The following GLIPR2 variants were observed in gnomAD, a reference collection of about 807,000 sequenced individuals.
The protein encoded by GLIPR2 is GLI pathogenesis related 2.
In GLIPR2, 21 loss-of-function variants were observed where a neutral mutation model predicts 20.4. The observed-to-expected ratio is 1.03, with a 90% CI of 0.73 to 1.48. GLIPR2 has a LOEUF of 1.48. GLIPR2 is among the 40% of genes most tolerant of loss of function. The pLI is 0.00. For synonymous variants in GLIPR2, 91 were observed against 80.5 expected (o/e 1.13, Z -0.70); for missense variants, 205 against 200.1 (o/e 1.02, Z -0.15).
chr9:36,149,241 C>T (rs1169684331), intron 3 of GLIPR2, among the ~76,000 whole-genome samples: 1 of 152,236 alleles, frequency 6.6e-6, no homozygotes, highest in Non-Finnish European at 1.5e-5. Context: ...GCCCTGACAG[C>T]CCTGATGTGG....
intron 4 of GLIPR2, 184 bp from the exon 5 acceptor site, chr9:36,162,178 G>A: frequency 6.9e-7 from 1 of 1,448,080 alleles, no homozygotes; most frequent in African/African-American, 1.4e-5. Context: ...CCATCTTGGG[G>A]GAAAAAAAAA....
chr9:36,138,506 C>A, intron 1 of GLIPR2, among the ~76,000 whole-genome samples: 1 of 152,058 alleles, frequency 6.6e-6, no homozygotes, highest in East Asian at 1.9e-4. Flanking sequence ...TACAGGTGCG[C>A]CCAGCCTAGG....
Position 36,151,024 on chromosome 9 carries a change from C to A in GLIPR2, c.304+75C>A, listed in dbSNP as rs776911272. ...TTGGGTGTCTGACTTCAGGGAGGAA[C>A]CAGCCCTCTAAAAAAATCAATCCTT... On this transcript the variant is annotated intron_variant, in intron 4 of 4. Transcript: ENST00000377960. 12 of 946,828 alleles carry A rather than the reference C, an allele frequency of 1.3e-5. No individual in the cohort carries two copies. The African/African-American group carries it at 1.9e-4, about 15-fold the overall frequency. The allele number at this position is 946,828 out of a possible 1,614,324, so 58.7% of individuals were successfully genotyped here.
chr9:36,144,090 T>C (rs913581667), intron 1 of GLIPR2, among the ~76,000 whole-genome samples: 4 of 152,108 alleles, frequency 2.6e-5, no homozygotes, highest in African/African-American at 9.7e-5. Flanking sequence ...AAGCAGCCCG[T>C]GGCCCAAGAA....
chr9:36,150,924 G>A lies in GLIPR2; in HGVS notation c.279G>A (p.Gln93=). Residue 93 remains glutamine (Q), a synonymous_variant, in exon 4 of 5, where the codon CAG becomes CAA. Transcript: ENST00000377960. The part of the protein sequence containing the change: ...WYSEIKNYNF[Q]QPGFTSGTGH... ...GTGAAATCAAGAACTATAACTTCCA[G>A]CAGCCTGGCTTCACCTCGGGGACTG... 6.2e-7 allele frequency: 1 copy of A among 1,613,888 alleles called. No individual in the cohort carries two copies. Among genetic ancestry groups the A allele is most frequent in the Non-Finnish European group, 8.5e-7 (1 of 1,179,790 alleles).
At chr9:36,141,010 G>A (rs1375626274) in intron 1 of GLIPR2, among the ~76,000 whole-genome samples, 1 of 152,206 alleles carries the variant, frequency 6.6e-6, no homozygotes, top group African/African-American at 2.4e-5. Flanking sequence ...GACCTGACCC[G>A]GAAGGAGCAG....
In GLIPR2 at chr9:36,147,902, C is replaced by A; in HGVS notation, c.122+8C>A. On this transcript the variant is annotated splice_region_variant and intron_variant, in intron 2 of 4. Coordinates refer to ENST00000377960, the MANE Select transcript of GLIPR2 (RefSeq NM_022343.4). ...CAACCGGGAGGCTCAACAGTGAGTCCCCTAGCACATCCGGGTAACTTGGCC... is the reference window on the plus strand; with the variant it reads ...CAACCGGGAGGCTCAACAGTGAGTCACCTAGCACATCCGGGTAACTTGGCC... The A allele has an allele frequency of 7.9e-7, 1 of 1,273,860 alleles. No homozygotes were observed. The highest frequency in any genetic ancestry group is 1.1e-6 in the Non-Finnish European group (1 of 869,686). 78.9% of individuals were successfully genotyped at this position (1,273,860 alleles called of 1,614,324 possible). A position where few individuals can be genotyped will look rare whatever the true frequency, so the allele number is the denominator to read the frequency against.
intron 4 of GLIPR2, among the ~76,000 whole-genome samples, chr9:36,152,613 G>A (rs987103365): frequency 1.3e-5 from 2 of 151,650 alleles, no homozygotes; most frequent in African/African-American, 4.8e-5. Context: ...AGCTGGGCAT[G>A]ATGGTGCATG....
intron 1 of GLIPR2, chr9:36,141,820 A>ATTT (rs34562409): frequency 0.024 from 10,534 of 433,100 alleles, 95 homozygotes; most frequent in Non-Finnish European, 0.029. Context: ...CGCATGGCTA[A>ATTT]TTTTTTTTTT....
intron 4 of GLIPR2, among the ~76,000 whole-genome samples, chr9:36,155,200 A>C (rs776627213): frequency 6.6e-6 from 1 of 152,232 alleles, no homozygotes; most frequent in Non-Finnish European, 1.5e-5. Flanking sequence ...CATGTCAACT[A>C]TATGGATTCG....
At chr9:36,155,148 T>C (rs1035825080) in intron 4 of GLIPR2, among the ~76,000 whole-genome samples, 1 of 152,262 alleles carries the variant, frequency 6.6e-6, no homozygotes, top group African/African-American at 2.4e-5. Flanking sequence ...TGCATAATTG[T>C]ACTTAGGGTT....
At chr9:36,151,963 G>A (rs1311014822) in intron 4 of GLIPR2, among the ~76,000 whole-genome samples, 1 of 152,108 alleles carries the variant, frequency 6.6e-6, no homozygotes, top group East Asian at 1.9e-4. Flanking sequence ...CACAAGTAGA[G>A]CCTTGCGGCC....
intron 4 of GLIPR2, among the ~76,000 whole-genome samples, chr9:36,156,385 T>TAAAAA (rs58467311): frequency 3.9e-5 from 3 of 77,720 alleles, no homozygotes; most frequent in Non-Finnish European, 7.1e-5. Flanking sequence ...AAGCCATGTC[T>TAAAAA]AAAAAAAAAA....
intron 4 of GLIPR2, among the ~76,000 whole-genome samples, chr9:36,152,465 A>G (rs1041225416): frequency 2.6e-5 from 4 of 152,178 alleles, no homozygotes; most frequent in African/African-American, 4.8e-5. Flanking sequence ...AAGTGCCTCC[A>G]TGGGCTGGGT....
chr9:36,148,922 C>T (rs929350598), intron 3 of GLIPR2, among the ~76,000 whole-genome samples: 2 of 152,148 alleles, frequency 1.3e-5, no homozygotes, highest in African/African-American at 2.4e-5. Flanking sequence ...AGCTCCCAGG[C>T]CGAGGAGTGG....
chr9:36,153,765 G>T (rs1398130744), intron 4 of GLIPR2, among the ~76,000 whole-genome samples: 1 of 151,954 alleles, frequency 6.6e-6, no homozygotes, highest in Non-Finnish European at 1.5e-5. Flanking sequence ...GCCGGGTGTG[G>T]TGATGCGTGC....
At chr9:36,154,807 C>G (rs928361359) in intron 4 of GLIPR2, among the ~76,000 whole-genome samples, 1 of 152,220 alleles carries the variant, frequency 6.6e-6, no homozygotes, top group African/African-American at 2.4e-5. Context: ...CACAGGCACT[C>G]GTGCTGCTCA....
chr9:36,154,257 C>T (rs1825734313), intron 4 of GLIPR2, among the ~76,000 whole-genome samples: 1 of 151,944 alleles, frequency 6.6e-6, no homozygotes, highest in South Asian at 2.1e-4. Flanking sequence ...ACACTGAGAG[C>T]TATCGAAGGT....
chr9:36,138,030 G>C (rs568820899), intron 1 of GLIPR2, among the ~76,000 whole-genome samples: 1 of 152,226 alleles, frequency 6.6e-6, no homozygotes, highest in African/African-American at 2.4e-5. Flanking sequence ...GAGGGTGGCC[G>C]TATGAGCCCT....
Sources: allele counts gnomAD v4.1 joint callset (sites outside exome capture counted in the v4.1 genomes callset), GRCh38; gene constraint gnomAD v4.1.1; transcripts MANE v1.5; gene names NCBI Gene and HGNC (gene_info 2026-07-23, HGNC 2026-07-21).